Variants in ANP32E observed in about 807,000 individuals in gnomAD.
The protein encoded by ANP32E is acidic nuclear phosphoprotein 32 family member E, also known as acidic leucine-rich nuclear phosphoprotein 32 family member E.
Under a neutral mutation model 35.3 loss-of-function variants are expected in ANP32E, and 14 were observed. That is an observed-to-expected ratio of 0.40 (90% CI 0.26 to 0.62). ANP32E has a LOEUF of 0.62. Ranked by LOEUF, ANP32E falls within the 20% of genes least tolerant of loss-of-function variation. ANP32E has a pLI of 0.45. For missense variants in ANP32E, 198 were observed against 304.4 expected (o/e 0.65, Z 2.60); for synonymous variants, 89 against 110.4 (o/e 0.81, Z 1.22).
intron 6 of ANP32E, among the ~76,000 whole-genome samples, 175 bp downstream of exon 6, chr1:150,223,010 TA>T (rs144787701): frequency 1.1e-4 from 16 of 148,296 alleles, no homozygotes; most frequent in Admixed American, 3.4e-4. Context: ...CAATTACTCT[TA>T]AAAAAAAAAC....
intron 6 of ANP32E, 124 bp from the exon 7 acceptor site, chr1:150,220,885 A>G (rs1648294468): frequency 1.3e-5 from 10 of 755,300 alleles, no homozygotes; most frequent in South Asian, 1.2e-4. Flanking sequence ...CTGTAATCCC[A>G]GCACTTTGGG....
At chr1:150,220,898 G>A in intron 6 of ANP32E, 137 bp from the exon 7 acceptor site, 2 of 680,668 alleles carry the variant, frequency 2.9e-6, no homozygotes, top group East Asian at 2.9e-5. Flanking sequence ...ACTTTGGGAG[G>A]CTGAGGTGGA....
intron 4 of ANP32E, among the ~76,000 whole-genome samples, chr1:150,228,776 C>G (rs995392493): frequency 6.6e-5 from 10 of 151,582 alleles, no homozygotes; most frequent in African/African-American, 2.4e-4. Context: ...TAAGTGGTTG[C>G]TTTTTTAAAA....
At chr1:150,221,423 A>G (rs1648358184) in intron 6 of ANP32E, among the ~76,000 whole-genome samples, 1 of 51,158 alleles carries the variant, frequency 2.0e-5, no homozygotes, top group African/African-American at 8.9e-5. Flanking sequence ...TGGGCGACAG[A>G]GCAAGACTGT....
chr1:150,226,689 T>C lies in ANP32E; in HGVS notation c.600A>G (p.Glu200=), dbSNP rs782310473. The change falls in exon 5 of 7, where the codon GAA becomes GAG. Residue 200 remains glutamate (E), a synonymous_variant. Transcript: ENST00000583931. ...ACTCTGAACCTGCTTCATCTTCATC[T>C]TCATCCTCATCCTCATCCTCCTCTT... ...EEEEEDEDED[E]DEDEAGSELG... is the part of the protein sequence containing the mutation. 1.3e-6 allele frequency: 2 copies of C among 1,594,046 alleles called. No homozygotes were observed. Among genetic ancestry groups the C allele is most frequent in the Non-Finnish European group, 1.7e-6 (2 of 1,165,500 alleles).
intron 3 of ANP32E, among the ~76,000 whole-genome samples, chr1:150,229,868 T>A (rs890212365): frequency 1.3e-5 from 2 of 152,242 alleles, no homozygotes; most frequent in Non-Finnish European, 2.9e-5. Context: ...CACCTCGGCC[T>A]CCCAAAGTGC....
At chr1:150,225,481 C>A (rs1006738018) in intron 5 of ANP32E, among the ~76,000 whole-genome samples, 3 of 151,542 alleles carry the variant, frequency 2.0e-5, no homozygotes, top group African/African-American at 7.3e-5. Flanking sequence ...ACCAGCCTGG[C>A]CAACATGGTG....
chr1:150,228,989 TA>T, intron 4 of ANP32E, 82 bp downstream of exon 4: 1 of 1,310,992 alleles, frequency 7.6e-7, no homozygotes, highest in Non-Finnish European at 1.0e-6. Context: ...TTTTCACACC[TA>T]AATTTCCAGG....
intron 1 of ANP32E, among the ~76,000 whole-genome samples, chr1:150,233,588 T>C (rs1292766120): frequency 4.0e-5 from 6 of 151,852 alleles, no homozygotes; most frequent in Admixed American, 3.3e-4. Flanking sequence ...TAGGTAAGAG[T>C]TGTAGTAACA....
At chr1:150,234,654 C>G in intron 1 of ANP32E, 3 of 985,602 alleles carry the variant, frequency 3.0e-6, no homozygotes, top group Non-Finnish European at 3.6e-6. Flanking sequence ...CAGCCCTGCT[C>G]TCGCGACCTG....
intron 3 of ANP32E, among the ~76,000 whole-genome samples, 193 bp downstream of exon 3, chr1:150,230,378 A>C (rs868965886): frequency 1.3e-5 from 2 of 152,244 alleles, no homozygotes. Flanking sequence ...TTGATGATAA[A>C]ATAAATTTCT....
intron 6 of ANP32E, among the ~76,000 whole-genome samples, chr1:150,222,196 G>A (rs1029091321): frequency 5.9e-5 from 9 of 151,794 alleles, no homozygotes; most frequent in South Asian, 2.1e-4. Context: ...TGAGGCAGGC[G>A]GATCACGAGG....
rs1649753215 is a variant in ANP32E at position 150,236,019 on chromosome 1, C to A, written c.-233G>T. On this transcript the variant is annotated 5_prime_UTR_variant, in exon 1 of 7. Transcript: ENST00000583931. ...ACCTCCTTGTCCACACACTAGCGCG[C>A]GCACACACACGCACGCACGCGCGCA... 6 of 548,752 alleles carry A rather than the reference C, an allele frequency of 1.1e-5. No individual in the cohort carries two copies. The highest frequency in any genetic ancestry group is 1.0e-4 in the South Asian group (5 of 48,428). 34.0% of individuals were successfully genotyped at this position (548,752 alleles called of 1,614,324 possible).
At chr1:150,227,699 C>T (rs1648983891) in intron 4 of ANP32E, among the ~76,000 whole-genome samples, 1 of 151,196 alleles carries the variant, frequency 6.6e-6, no homozygotes, top group African/African-American at 2.4e-5. Flanking sequence ...GCAATACACC[C>T]ATGGAATAAA....
rs782393215 is a variant in ANP32E at position 150,231,766 on chromosome 1, T to C, written c.204+11A>G. Reference sequence around the variant, plus strand: ...TTGAAATCATGATGCTTCACGTAAATGCCAACTTACTTTTCGAAGTTTATT... The same window carrying C: ...TTGAAATCATGATGCTTCACGTAAACGCCAACTTACTTTTCGAAGTTTATT... On this transcript the variant is annotated intron_variant, in intron 2 of 6. Coordinates refer to ENST00000583931, the MANE Select transcript of ANP32E (RefSeq NM_030920.5). The C allele has an allele frequency of 3.6e-5, 57 of 1,603,076 alleles. No individual in the cohort carries two copies. The highest frequency in any genetic ancestry group is 4.8e-5 in the Non-Finnish European group (56 of 1,176,636).
intron 1 of ANP32E, 74 bp from the exon 2 acceptor site, chr1:150,232,000 C>T: frequency 7.0e-7 from 1 of 1,420,908 alleles, no homozygotes; most frequent in Non-Finnish European, 9.5e-7. Context: ...GGTCTTGACA[C>T]TCTGGAAATG....
chr1:150,235,638 T>C lies in ANP32E; in HGVS notation c.54+95A>G. 2.1e-6 allele frequency: 3 copies of C among 1,410,422 alleles called. No individual in the cohort carries two copies. The South Asian group carries it at 3.7e-5, about 17-fold the overall frequency. The allele number at this position is 1,410,422 out of a possible 1,614,324, so 87.4% of individuals were successfully genotyped here. On this transcript the variant is annotated intron_variant, in intron 1 of 6. Coordinates refer to ENST00000583931, the MANE Select transcript of ANP32E (RefSeq NM_030920.5). This position sits in a 1 kb window ranked among gnomAD's most constrained non-coding sequence, Gnocchi z 4.2. Reference sequence around the variant, plus strand: ...ACCCGGGGGGATGGGGGCTAACTTATTACTCCATCCCCGCACACCCACCCA... The same window carrying C: ...ACCCGGGGGGATGGGGGCTAACTTACTACTCCATCCCCGCACACCCACCCA...
chr1:150,234,578 C>T (rs1649626282), intron 1 of ANP32E: 8 of 985,498 alleles, frequency 8.1e-6, no homozygotes, highest in Non-Finnish European at 8.4e-6. Context: ...AACTCCCTTA[C>T]GTTCCAATTC....
intron 2 of ANP32E, among the ~76,000 whole-genome samples, chr1:150,231,129 A>G (rs372660865): frequency 1.3e-5 from 2 of 152,358 alleles, no homozygotes; most frequent in Non-Finnish European, 1.5e-5. Context: ...CAGATCATTA[A>G]TTTCCAAATT....
Sources: allele counts gnomAD v4.1 joint callset (sites outside exome capture counted in the v4.1 genomes callset), GRCh38; gene constraint gnomAD v4.1.1; non-coding constraint Gnocchi (gnomAD v3.1); transcripts MANE v1.5; gene names NCBI Gene and HGNC (gene_info 2026-07-23, HGNC 2026-07-21).